The following PLEKHG1 variants were observed in gnomAD, a reference collection of about 807,000 sequenced individuals.
PLEKHG1 encodes pleckstrin homology and RhoGEF domain containing G1.
In PLEKHG1, 44 loss-of-function variants were observed where a neutral mutation model predicts 100.8. The ratio of observed to expected loss-of-function variants is 0.44; its 90% CI spans 0.34 to 0.56. The LOEUF is 0.56. Ranked by LOEUF, PLEKHG1 falls within the 20% of genes least tolerant of loss-of-function variation. The probability of loss-of-function intolerance (pLI) is 0.01; values close to 1 mark genes in which losing one functional copy is unlikely to be tolerated. For missense variants in PLEKHG1, 1,545 were observed against 1,720.9 expected (o/e 0.90, Z 1.81); for synonymous variants, 640 against 662.5 (o/e 0.97, Z 0.52).
chr6:150,785,033 T>TAAAA (rs35123545), intron 3 of PLEKHG1, among the ~76,000 whole-genome samples: 7 of 136,262 alleles, frequency 5.1e-5, no homozygotes, highest in East Asian at 2.1e-4. Flanking sequence ...TCTCTAAAAT[T>TAAAA]AAAAAAAAAA....
chr6:150,642,293 G>A (rs537254804), intron 2 of PLEKHG1, among the ~76,000 whole-genome samples: 1 of 152,298 alleles, frequency 6.6e-6, no homozygotes, highest in African/African-American at 2.4e-5. Flanking sequence ...GACCTAGATT[G>A]AAAGAAGCTC....
intron 4 of PLEKHG1, among the ~76,000 whole-genome samples, chr6:150,795,391 A>T (rs986543767): frequency 9.4e-5 from 8 of 85,006 alleles, no homozygotes; most frequent in Non-Finnish European, 1.5e-4. Context: ...GCGAGATTCC[A>T]TCTCAAAAAA....
chr6:150,745,469 G>T (rs151196282), intron 2 of PLEKHG1, among the ~76,000 whole-genome samples: 11,346 of 152,172 alleles, frequency 0.075, 502 homozygotes, highest in Admixed American at 0.14. Flanking sequence ...GTTCACTTCA[G>T]GTCAGGAGTT....
At chr6:150,613,702 A>G (rs62432658) in intron 1 of PLEKHG1, among the ~76,000 whole-genome samples, 12,081 of 152,190 alleles carry the variant, frequency 0.079, 550 homozygotes, top group Non-Finnish European at 0.1. Flanking sequence ...GCTCTCCAGC[A>G]CTGTCCTACC....
rs57840463 is a variant in PLEKHG1 at position 150,644,334 on chromosome 6, G to GTTTTTTTTTTTTTTTTTTTTTTTTTTT, written c.-158+6227_-158+6228insTTTTTTTTTTTTTTTTTTTTTTTTTTT. 6.1e-4 allele frequency among the ~76,000 whole-genome samples: 72 copies of GTTTTTTTTTTTTTTTTTTTTTTTTTTT among 117,586 alleles called. 4 individuals carry two copies. The highest frequency in any genetic ancestry group is 1.9e-3 in the African/African-American group (54 of 28,616). 77.1% of individuals were successfully genotyped at this position (117,586 alleles called of 152,430 possible). ...AAGAGAGTGGTTTTTTTCTTTTCGT[G>GTTTTTTTTTTTTTTTTTTTTTTTTTTT]TTTTTTTTTTTTTTTTTTGTTACAG... On this transcript the variant is annotated intron_variant, in intron 2 of 3. Coordinates refer to the PLEKHG1 transcript ENST00000367326.
At chr6:150,784,702 G>C (rs1419703634) in intron 3 of PLEKHG1, among the ~76,000 whole-genome samples, 2 of 151,982 alleles carry the variant, frequency 1.3e-5, no homozygotes, top group African/African-American at 4.8e-5. Context: ...AACACAGTGA[G>C]ACAAGATTGA....
chr6:150,638,610 G>A (rs1038898375), intron 2 of PLEKHG1, among the ~76,000 whole-genome samples: 1 of 152,222 alleles, frequency 6.6e-6, no homozygotes, highest in Admixed American at 6.5e-5. Flanking sequence ...GGGAGAGGAT[G>A]GAGAGTTCTG....
chr6:150,710,191 G>GT (rs1381056806), intron 3 of PLEKHG1, among the ~76,000 whole-genome samples: 2 of 152,114 alleles, frequency 1.3e-5, no homozygotes, highest in Non-Finnish European at 2.9e-5. Context: ...GTTGTCCCTG[G>GT]TTTTGGGTCC....
chr6:150,608,651 T>C (rs1277110952), intron 1 of PLEKHG1, among the ~76,000 whole-genome samples: 3 of 152,190 alleles, frequency 2.0e-5, no homozygotes, highest in Non-Finnish European at 4.4e-5. Context: ...CAGACAGCAA[T>C]TGAATCTAAT....
upstream of PLEKHG1, among the ~76,000 whole-genome samples, chr6:150,717,606 C>A (rs1002588678): frequency 6.6e-6 from 1 of 152,204 alleles, no homozygotes; most frequent in Non-Finnish European, 1.5e-5. Context: ...GTGGGTGCTG[C>A]TCTTCTGCGC....
In PLEKHG1 at chr6:150,600,582, C is replaced by G. The variant is rs1163990344; in HGVS notation, c.-204+565C>G. Among the ~76,000 whole-genome samples the G allele has an allele frequency of 1.3e-5, 2 of 152,324 alleles. No individual in the cohort carries two copies. The highest frequency in any genetic ancestry group is 2.4e-5 in the African/African-American group (1 of 41,584). ...GGCGCTCAGGGCTTGGGGGCGCCCC[C>G]GTTCTGCAGATGCGCTTTTCAGGGG... On this transcript the variant is annotated intron_variant, in intron 1 of 3. Coordinates refer to the PLEKHG1 transcript ENST00000367326. The surrounding 1 kb of genome is among the most constrained non-coding windows in gnomAD (Gnocchi z 6.2).
intron 3 of PLEKHG1, among the ~76,000 whole-genome samples, chr6:150,705,357 A>G (rs537876060): frequency 3.9e-5 from 6 of 152,352 alleles, no homozygotes; most frequent in African/African-American, 1.4e-4. Context: ...AAATCCTGGG[A>G]TGGGATTTAT....
chr6:150,617,887 A>G (rs1408892272), intron 1 of PLEKHG1, among the ~76,000 whole-genome samples: 1 of 152,224 alleles, frequency 6.6e-6, no homozygotes, highest in African/African-American at 2.4e-5. Context: ...GAGCAAGAAT[A>G]CATTGAAACA....
At chr6:150,679,176 A>G (rs1292398958) in intron 3 of PLEKHG1, among the ~76,000 whole-genome samples, 1 of 152,234 alleles carries the variant, frequency 6.6e-6, no homozygotes, top group Non-Finnish European at 1.5e-5. Context: ...TAGGATTTTA[A>G]AGGTTTGGCA....
chr6:150,819,741 G>A, exon 12 of PLEKHG1: 1 of 1,610,892 alleles, frequency 6.2e-7, no homozygotes, highest in Non-Finnish European at 8.5e-7. Context: ...CTCTAAAGAA[G>A]GTTCTGCTCC....
At chr6:150,799,877 GA>G (rs2128662306) in intron 5 of PLEKHG1, among the ~76,000 whole-genome samples, 1 of 152,236 alleles carries the variant, frequency 6.6e-6, no homozygotes, top group South Asian at 2.1e-4. Context: ...TACATTTTGC[GA>G]ACGAAAGATT....
intron 2 of PLEKHG1, among the ~76,000 whole-genome samples, chr6:150,766,177 C>T (rs1784446870): frequency 6.6e-6 from 1 of 152,194 alleles, no homozygotes; most frequent in Admixed American, 6.5e-5. Flanking sequence ...TGCTCCTTCC[C>T]TCACCAAACT....
At chr6:150,686,991 G>T (rs1780162976) in intron 3 of PLEKHG1, 1 of 152,646 alleles carries the variant, frequency 6.6e-6, no homozygotes, top group South Asian at 2.1e-4. Flanking sequence ...GCAATTCAGG[G>T]TATGTTTGAC....
chr6:150,603,063 C>CAG (rs1483188975), intron 1 of PLEKHG1, among the ~76,000 whole-genome samples: 3 of 110,032 alleles, frequency 2.7e-5, no homozygotes, highest in African/African-American at 1.0e-4. Context: ...ACCTGGGCGA[C>CAG]AGCGAGACTC....
Sources: gnomAD v4.1 joint callset for allele counts (sites outside exome capture counted in the v4.1 genomes callset) on GRCh38, gnomAD v4.1.1 for gene constraint, Gnocchi (gnomAD v3.1) non-coding constraint, MANE v1.5 for transcripts, NCBI Gene and HGNC (gene_info 2026-07-23, HGNC 2026-07-21) for gene names.